Variants in NAV2 observed in about 807,000 individuals in gnomAD.
The protein encoded by NAV2 is neuron navigator 2.
NAV2 carries 54 observed loss-of-function variants against 223.2 expected under a neutral mutation model. The ratio of observed to expected loss-of-function variants is 0.24; its 90% confidence interval spans 0.19 to 0.30. The LOEUF is 0.30. Among genes scored for constraint, NAV2 ranks in the 10% least tolerant of loss-of-function variants. The pLI, the probability that NAV2 is intolerant of heterozygous loss-of-function variation, is 1.00. For missense variants in NAV2, 2,806 were observed against 3,147.5 expected (o/e 0.89, Z 2.60); for synonymous variants, 1,279 against 1,239.3 (o/e 1.03, Z -0.67).
exon 1 of NAV2, chr11:19,350,761 G>T: frequency 1.7e-6 from 1 of 601,998 alleles, no homozygotes; most frequent in South Asian, 1.9e-5. Context: ...CATTGCAAAG[G>T]CAGTGGTGCC....
At chr11:19,763,905 C>T (rs895086768) in intron 1 of NAV2, among the ~76,000 whole-genome samples, 2 of 151,908 alleles carry the variant, frequency 1.3e-5, no homozygotes, top group East Asian at 1.9e-4. Context: ...AACGTATGGC[C>T]GTATAACATC....
At chr11:19,721,526 A>G (rs1322430283) in intron 1 of NAV2, among the ~76,000 whole-genome samples, 1 of 152,242 alleles carries the variant, frequency 6.6e-6, no homozygotes, top group Non-Finnish European at 1.5e-5. Context: ...ATCATTATTT[A>G]AGACAACAGG....
At chr11:19,849,105 C>T (rs1352574534) in intron 3 of NAV2, among the ~76,000 whole-genome samples, 1 of 152,094 alleles carries the variant, frequency 6.6e-6, no homozygotes. Context: ...TCAAAACAGC[C>T]CTATGATAAA....
At chr11:19,477,409 G>T (rs1223753092) in intron 1 of NAV2, among the ~76,000 whole-genome samples, 7 of 152,208 alleles carry the variant, frequency 4.6e-5, no homozygotes, top group Non-Finnish European at 7.3e-5. Flanking sequence ...GATTTATTGA[G>T]TGGGATTACT....
Position 20,115,574 on chromosome 11 carries a change from G to A in NAV2, c.7164+779G>A, listed in dbSNP as rs564495936. Among the ~76,000 whole-genome samples the A allele has an allele frequency of 2.1e-3, 306 of 142,774 alleles. 1 individual carries two copies. Among genetic ancestry groups the A allele is most frequent in the African/African-American group, 7.7e-3 (295 of 38,228 alleles). The allele number at this position is 142,774 out of a possible 152,430, so 93.7% of individuals were successfully genotyped here. ...GTGAACCCGGGAGGTGGAGCTTGCA[G>A]TGAGACGAGATCGCGCCACTGCACT... On this transcript the variant is annotated intron_variant, in intron 37 of 37. Transcript: ENST00000349880.
intron 1 of NAV2, among the ~76,000 whole-genome samples, chr11:19,821,344 A>G (rs190971270): frequency 1.3e-5 from 2 of 150,908 alleles, no homozygotes; most frequent in African/African-American, 4.9e-5. Context: ...AGGCACCTAC[A>G]CCCTCATCCT....
chr11:19,922,702 G>A (rs774151161), intron 6 of NAV2, among the ~76,000 whole-genome samples: 3 of 152,086 alleles, frequency 2.0e-5, no homozygotes, highest in Admixed American at 6.5e-5. Context: ...ACCTGCCCAC[G>A]GTTCTGTTGC....
intron 25 of NAV2, 99 bp from the exon 26 acceptor site, chr11:20,082,908 A>T (rs1201646211): frequency 8.6e-7 from 1 of 1,161,982 alleles, no homozygotes; most frequent in East Asian, 2.5e-5. Flanking sequence ...GGGGAAAAAC[A>T]TGGGAGAATT....
At chr11:19,727,321 A>G (rs1415896620) in intron 1 of NAV2, among the ~76,000 whole-genome samples, 1 of 152,164 alleles carries the variant, frequency 6.6e-6, no homozygotes, top group African/African-American at 2.4e-5. Flanking sequence ...GCCTCTCTAG[A>G]TCCTTCAGCA....
At chr11:19,879,735 G>T in intron 4 of NAV2, 134 bp from the exon 5 acceptor site, 1 of 1,011,280 alleles carries the variant, frequency 9.9e-7, no homozygotes, top group Non-Finnish European at 1.5e-6. Flanking sequence ...GATTTTAATT[G>T]CCTGTGATAC....
intron 1 of NAV2, among the ~76,000 whole-genome samples, chr11:19,473,707 C>T (rs1447356553): frequency 1.3e-5 from 2 of 151,958 alleles, no homozygotes; most frequent in Non-Finnish European, 2.9e-5. Flanking sequence ...TGTGGTGCCT[C>T]ACCCAGGTCC....
At chr11:19,816,912 C>T (rs2059120127) in intron 1 of NAV2, among the ~76,000 whole-genome samples, 1 of 151,836 alleles carries the variant, frequency 6.6e-6, no homozygotes, top group African/African-American at 2.4e-5. Flanking sequence ...TTTTTTTTCC[C>T]CTCTGTGCCT....
chr11:19,849,693 T>A (rs1304595714), intron 3 of NAV2, among the ~76,000 whole-genome samples: 1 of 152,150 alleles, frequency 6.6e-6, no homozygotes, highest in Non-Finnish European at 1.5e-5. Flanking sequence ...GGCCTATTTT[T>A]ACACAGCTCT....
At chr11:19,724,885 C>T (rs573485880) in intron 1 of NAV2, among the ~76,000 whole-genome samples, 5 of 152,322 alleles carry the variant, frequency 3.3e-5, no homozygotes, top group African/African-American at 1.2e-4. Context: ...CGAGGAATCT[C>T]ACCTTCCTAA....
chr11:19,926,965 G>GGA (rs1424351389), intron 6 of NAV2, among the ~76,000 whole-genome samples: 1 of 152,194 alleles, frequency 6.6e-6, no homozygotes, highest in African/African-American at 2.4e-5. Context: ...CCTCACTGAA[G>GGA]GAGAGAGGAA....
chr11:20,059,976 T>A (rs2058603055), intron 19 of NAV2, among the ~76,000 whole-genome samples: 1 of 152,240 alleles, frequency 6.6e-6, no homozygotes, highest in Non-Finnish European at 1.5e-5. Context: ...TTGGGTTGAC[T>A]CAGAAAATCA....
At chr11:19,464,855 C>T (rs1197740976) in intron 1 of NAV2, among the ~76,000 whole-genome samples, 3 of 152,254 alleles carry the variant, frequency 2.0e-5, no homozygotes, top group Non-Finnish European at 4.4e-5. Flanking sequence ...ACTCAGAATG[C>T]ACTTTTCAGG....
chr11:19,462,842 G>T (rs544642191), intron 1 of NAV2, among the ~76,000 whole-genome samples: 2 of 152,190 alleles, frequency 1.3e-5, no homozygotes, highest in Non-Finnish European at 2.9e-5. Context: ...GCGTGCTAGG[G>T]TTCAGAAAGA....
At chr11:19,737,074 A>G (rs1228610617) in intron 1 of NAV2, among the ~76,000 whole-genome samples, 1 of 152,232 alleles carries the variant, frequency 6.6e-6, no homozygotes, top group Non-Finnish European at 1.5e-5. Context: ...CCAAGGCAAC[A>G]CCACTGGGGT....
Sources: allele counts gnomAD v4.1 joint callset (sites outside exome capture counted in the v4.1 genomes callset), GRCh38; gene constraint gnomAD v4.1.1; transcripts MANE v1.5; gene names NCBI Gene and HGNC (gene_info 2026-07-23, HGNC 2026-07-21).